MSI2: variants seen among roughly 807,000 people sequenced by gnomAD.
MSI2 encodes musashi RNA binding protein 2.
MSI2 carries 17 observed loss-of-function variants against 45.6 expected under a neutral mutation model. That is an observed-to-expected ratio of 0.37 (90% confidence interval 0.26 to 0.56). The LOEUF is 0.56. Ranked by LOEUF, MSI2 falls within the 20% of genes least tolerant of loss-of-function variation. The probability of loss-of-function intolerance (pLI) is 0.77; values close to 1 mark genes in which losing one functional copy is unlikely to be tolerated. For synonymous variants in MSI2, 156 were observed against 158.2 expected, an observed-to-expected ratio of 0.99 and a Z score of 0.11; for missense variants, 293 against 444.2, an observed-to-expected ratio of 0.66 and a Z score of 3.06.
chr17:57,643,169 C>T (rs1459323958), intron 10 of MSI2, among the ~76,000 whole-genome samples: 1 of 152,102 alleles, frequency 6.6e-6, no homozygotes, highest in Non-Finnish European at 1.5e-5. Context: ...TGAAAAGGTA[C>T]CCTACTGGAA....
intron 7 of MSI2, among the ~76,000 whole-genome samples, chr17:57,581,926 TTTA>T (rs1273654748): frequency 6.6e-6 from 1 of 152,142 alleles, no homozygotes; most frequent in Non-Finnish European, 1.5e-5. Flanking sequence ...CTATGAAAAA[TTTA>T]TTGAGACGAG....
intron 9 of MSI2, among the ~76,000 whole-genome samples, chr17:57,618,821 C>T (rs924086763): frequency 2.6e-5 from 4 of 152,080 alleles, no homozygotes; most frequent in African/African-American, 9.7e-5. Flanking sequence ...GGATTACAGG[C>T]GTGAGCCACT....
chr17:57,267,682 A>G (rs1907935805), intron 5 of MSI2: 1 of 151,522 alleles, frequency 6.6e-6, no homozygotes. Flanking sequence ...TTCATTTAAC[A>G]AGAGCTGGGT....
Position 57,280,074 on chromosome 17 carries a change from T to G in MSI2, c.312+17882T>G, listed in dbSNP as rs1909284326. 1 of 149,692 alleles carries G rather than the reference T, an allele frequency of 6.7e-6. No homozygotes were observed. The highest frequency in any genetic ancestry group is 1.5e-5 in the Non-Finnish European group (1 of 67,718). The allele number at this position is 149,692 out of a possible 1,614,324, so 9.3% of individuals were successfully genotyped here. ...GGGAAGGCTTCCTGGAGAAATAACG[T>G]TGAGGCTGAGCTTGATGTAGGGAGG... On this transcript the variant is annotated intron_variant, in intron 5 of 13. Coordinates refer to ENST00000284073, the MANE Select transcript of MSI2 (RefSeq NM_138962.4). The surrounding 1 kb of genome is among the most constrained non-coding windows in gnomAD (Gnocchi z 4.2).
chr17:57,471,041 A>G (rs139729556), intron 6 of MSI2, among the ~76,000 whole-genome samples: 1 of 152,300 alleles, frequency 6.6e-6, no homozygotes, highest in Non-Finnish European at 1.5e-5. Context: ...CTTCTGGCCC[A>G]TCTGAAGACC....
chr17:57,257,343 C>T (rs1906877338), intron 2 of MSI2, 123 bp from the exon 3 acceptor site: 1 of 673,226 alleles, frequency 1.5e-6, no homozygotes, highest in East Asian at 3.0e-5. Flanking sequence ...GCAAAAAATG[C>T]AAAAACAAAA....
chr17:57,396,424 C>T (rs2083891495), intron 5 of MSI2, among the ~76,000 whole-genome samples: 1 of 151,404 alleles, frequency 6.6e-6, no homozygotes, highest in African/African-American at 2.4e-5. Context: ...CACACACACA[C>T]ACACACACAC....
chr17:57,549,264 C>T (rs990281260), intron 7 of MSI2, among the ~76,000 whole-genome samples: 9 of 151,116 alleles, frequency 6.0e-5, no homozygotes, highest in Non-Finnish European at 1.2e-4. Flanking sequence ...TGGTGCCTAG[C>T]CTGCAGGGGT....
chr17:57,440,725 T>A (rs1304744006), intron 6 of MSI2: 1 of 152,494 alleles, frequency 6.6e-6, no homozygotes, highest in Non-Finnish European at 1.5e-5. Context: ...TGGATGTGAT[T>A]TCCTGGCGTG....
At chr17:57,649,412 C>T (rs1910955036) in intron 10 of MSI2, among the ~76,000 whole-genome samples, 2 of 150,990 alleles carry the variant, frequency 1.3e-5, no homozygotes, top group Non-Finnish European at 2.9e-5. Flanking sequence ...AACACATGTA[C>T]ACAACACATT....
In MSI2 at chr17:57,303,992, G is replaced by A. The variant is rs116443071; in HGVS notation, c.312+41800G>A. Among the ~76,000 whole-genome samples, 422 of 152,292 alleles carry A rather than the reference G, an allele frequency of 2.8e-3. 4 individuals are homozygous for A. The highest frequency in any genetic ancestry group is 9.6e-3 in the African/African-American group (398 of 41,562). ...TAGAGGGAGGAGGGAAGGGAGTCTT[G>A]GAGGGAAGGAGCAGGGAGGGAGAGC... On this transcript the variant is annotated intron_variant, in intron 5 of 13. Transcript: ENST00000284073.
chr17:57,293,595 G>GTTTTTT (rs71139983), intron 5 of MSI2, among the ~76,000 whole-genome samples: 2 of 134,712 alleles, frequency 1.5e-5, no homozygotes, highest in East Asian at 2.1e-4. Context: ...TTGTTTTTTT[G>GTTTTTT]TTTTTTTTTT....
chr17:57,642,893 A>G (rs1910364308), intron 10 of MSI2, among the ~76,000 whole-genome samples: 1 of 152,166 alleles, frequency 6.6e-6, no homozygotes, highest in Non-Finnish European at 1.5e-5. Flanking sequence ...TTAGTGATTC[A>G]GCGGTAGAAT....
rs116468607 is a variant in MSI2, at chr17:57,426,766, T to C, written c.405+25295T>C. On this transcript the variant is annotated intron_variant, in intron 6 of 13. Coordinates refer to ENST00000284073, the MANE Select transcript of MSI2 (RefSeq NM_138962.4). ...TCCTCTCCTGTTGTTACCTTTTACA[T>C]CTGCATTTGATAAAAACCTTCTCCA... is the stretch of plus-strand genomic sequence containing the variant. 4.9e-3 allele frequency among the ~76,000 whole-genome samples: 753 copies of C among 152,330 alleles called. 8 individuals are homozygous for C. Among genetic ancestry groups the C allele is most frequent in the African/African-American group, 0.017 (716 of 41,564 alleles).
At chr17:57,336,113 A>G (rs1914674003) in intron 5 of MSI2, among the ~76,000 whole-genome samples, 1 of 152,144 alleles carries the variant, frequency 6.6e-6, no homozygotes. Flanking sequence ...TGAAGAGGGC[A>G]GGTGGGAGCT....
intron 5 of MSI2, among the ~76,000 whole-genome samples, chr17:57,299,043 T>C (rs981557808): frequency 1.3e-5 from 2 of 152,260 alleles, no homozygotes; most frequent in South Asian, 4.1e-4. Flanking sequence ...TGCACTTTTA[T>C]GTCAAACAAA....
At chr17:57,490,732 G>GT (rs1191179007) in intron 6 of MSI2, among the ~76,000 whole-genome samples, 1 of 152,162 alleles carries the variant, frequency 6.6e-6, no homozygotes, top group Non-Finnish European at 1.5e-5. Flanking sequence ...ATGCCCTGAT[G>GT]TTTTTTTCTG....
intron 7 of MSI2, among the ~76,000 whole-genome samples, chr17:57,580,776 T>C (rs1181630159): frequency 6.6e-6 from 1 of 152,122 alleles, no homozygotes; most frequent in African/African-American, 2.4e-5. Flanking sequence ...CAAATACACT[T>C]CCAAATCGCT....
At chr17:57,293,595 G>GTGTT (rs1555573447) in intron 5 of MSI2, among the ~76,000 whole-genome samples, 3 of 134,724 alleles carry the variant, frequency 2.2e-5, no homozygotes, top group Non-Finnish European at 4.6e-5. Context: ...TTGTTTTTTT[G>GTGTT]TTTTTTTTTT....
Sources: gnomAD v4.1 joint callset for allele counts (sites outside exome capture counted in the v4.1 genomes callset) on GRCh38, gnomAD v4.1.1 for gene constraint, Gnocchi (gnomAD v3.1) non-coding constraint, MANE v1.5 for transcripts, NCBI Gene and HGNC (gene_info 2026-07-23, HGNC 2026-07-21) for gene names.